SVEP1: variants seen among roughly 807,000 people sequenced by gnomAD.
The protein encoded by SVEP1 is sushi, von Willebrand factor type A, EGF and pentraxin domain containing 1.
SVEP1 carries 164 observed loss-of-function variants against 367.3 expected under a neutral mutation model. That is an observed-to-expected ratio of 0.45 (90% CI 0.39 to 0.51). The LOEUF (loss-of-function observed/expected upper bound fraction) is 0.51. SVEP1 is among the 20% of genes least tolerant of loss of function. The pLI, the probability that SVEP1 is intolerant of heterozygous loss-of-function variation, is 0.00. For synonymous variants in SVEP1, 1,666 were observed against 1,611.6 expected, an observed-to-expected ratio of 1.03 and a Z score of -0.81; for missense variants, 4,117 against 4,425.3, an observed-to-expected ratio of 0.93 and a Z score of 1.98.
At chr9:110,431,253 T>G (rs962170673) in intron 32 of SVEP1, among the ~76,000 whole-genome samples, 1 of 152,186 alleles carries the variant, frequency 6.6e-6, no homozygotes, top group African/African-American at 2.4e-5. Flanking sequence ...AAGTGAATTA[T>G]AAAACAGGAA....
chr9:110,438,690 A>G (rs1436477325), intron 27 of SVEP1, among the ~76,000 whole-genome samples: 1 of 152,086 alleles, frequency 6.6e-6, no homozygotes, highest in Non-Finnish European at 1.5e-5. Context: ...CATTAGATTG[A>G]TTTCTGGTAG....
intron 3 of SVEP1, among the ~76,000 whole-genome samples, chr9:110,536,280 C>A (rs565519517): frequency 1.3e-5 from 2 of 152,046 alleles, no homozygotes; most frequent in African/African-American, 2.4e-5. Context: ...GTTGAACCAA[C>A]CTTGCATCCC....
At chr9:110,444,707 C>A (rs1828563273) in intron 26 of SVEP1, among the ~76,000 whole-genome samples, 1 of 152,130 alleles carries the variant, frequency 6.6e-6, no homozygotes, top group African/African-American at 2.4e-5. Flanking sequence ...AATTCATTGA[C>A]CACTTCTCCC....
chr9:110,497,190 C>A (rs1829463917), intron 7 of SVEP1, among the ~76,000 whole-genome samples: 1 of 152,200 alleles, frequency 6.6e-6, no homozygotes, highest in Non-Finnish European at 1.5e-5. Context: ...TCACTCTCCA[C>A]ATTGAGTTAC....
chr9:110,488,316 C>A (rs1045935668), intron 9 of SVEP1, among the ~76,000 whole-genome samples: 1 of 152,026 alleles, frequency 6.6e-6, no homozygotes. Flanking sequence ...AAAAGAGATT[C>A]GAACTGGAAA....
chr9:110,428,429 C>CACACACACACACACACACACA (rs60798857), intron 35 of SVEP1, among the ~76,000 whole-genome samples: 2 of 151,108 alleles, frequency 1.3e-5, no homozygotes, highest in Non-Finnish European at 3.0e-5. Flanking sequence ...CACACACACA[C>CACACACACACACACACACACA]CATTAATCTC....
chr9:110,527,932 C>T (rs531358994), intron 3 of SVEP1, among the ~76,000 whole-genome samples: 16 of 151,620 alleles, frequency 1.1e-4, no homozygotes, highest in Admixed American at 2.6e-4. Context: ...GCTTAGCTCC[C>T]GCTTATAAGT....
At chr9:110,390,243 A>G (rs1827622699) in intron 40 of SVEP1, among the ~76,000 whole-genome samples, 2 of 125,146 alleles carry the variant, frequency 1.6e-5, no homozygotes. Flanking sequence ...AAGTATGTGT[A>G]TATATACTTA....
Position 110,550,172 on chromosome 9 carries a change from C to T in SVEP1, c.532-68G>A, listed in dbSNP as rs115401524. 1.2e-3 allele frequency: 1,906 copies of T among 1,578,596 alleles called. 14 individuals carry two copies. The African/African-American group carries it at 0.02, about 16-fold the overall frequency. On this transcript the variant is annotated intron_variant, in intron 1 of 47. Coordinates refer to ENST00000374469, the MANE Select transcript of SVEP1 (RefSeq NM_153366.4). ...TGCCTACTGTGTGCTTCTCTTCTTACGTAAGGCAGTACTTGCAAAGATCAT... is the reference window on the plus strand; with the variant it reads ...TGCCTACTGTGTGCTTCTCTTCTTATGTAAGGCAGTACTTGCAAAGATCAT...
intron 39 of SVEP1, among the ~76,000 whole-genome samples, chr9:110,402,792 T>C (rs1375915864): frequency 2.6e-5 from 4 of 152,114 alleles, no homozygotes; most frequent in African/African-American, 9.7e-5. Flanking sequence ...AAAGGGACCA[T>C]CTGGAACCAT....
chr9:110,488,871 C>T (rs755307141), intron 9 of SVEP1, among the ~76,000 whole-genome samples: 9 of 152,004 alleles, frequency 5.9e-5, no homozygotes, highest in Non-Finnish European at 1.3e-4. Flanking sequence ...GAGTGAGACC[C>T]TGTCTCTGAA....
rs1054582940 is a variant in SVEP1 at position 110,366,476 on chromosome 9, T to C, written c.*63A>G. 1 of 1,456,998 alleles carries C rather than the reference T, an allele frequency of 6.9e-7. No homozygotes were observed. Among genetic ancestry groups the C allele is most frequent in the East Asian group, 2.4e-5 (1 of 40,988 alleles). The allele number at this position is 1,456,998 out of a possible 1,614,324, so 90.3% of individuals were successfully genotyped here. ...GACTTTCTTTGCATAAGTTCCAGGA[T>C]GCCCAGGCACTACCGAGGAGAGATG... On this transcript the variant is annotated 3_prime_UTR_variant, in exon 48 of 48. Transcript: ENST00000374469.
intron 3 of SVEP1, among the ~76,000 whole-genome samples, chr9:110,525,330 T>C (rs993865436): frequency 1.3e-5 from 2 of 152,186 alleles, no homozygotes; most frequent in African/African-American, 4.8e-5. Flanking sequence ...ATGTGGACAA[T>C]GAAATTAAAA....
intron 8 of SVEP1, among the ~76,000 whole-genome samples, chr9:110,494,673 T>C (rs1829419025): frequency 1.3e-5 from 2 of 152,360 alleles, no homozygotes; most frequent in South Asian, 4.1e-4. Context: ...AGGATGTTCA[T>C]GACAGCATCG....
At chr9:110,369,494 T>C (rs547221422) in intron 47 of SVEP1, 2 of 152,896 alleles carry the variant, frequency 1.3e-5, no homozygotes, top group Admixed American at 6.5e-5. Flanking sequence ...TAAAATTACA[T>C]TGAGTTTATT....
In SVEP1 at chr9:110,377,299, C is replaced by T; in HGVS notation, c.10476G>A (p.Glu3492=). 6.2e-7 allele frequency: 1 copy of T among 1,613,772 alleles called. No individual in the cohort carries two copies. Residue 3492 remains glutamate (E), a synonymous_variant, in exon 45 of 48, where the codon GAG becomes GAA. Transcript: ENST00000374469. The part of the protein sequence containing the change: ...CQRPNACSCP[E]GWMGRLCEEP... ...CTTCACAGAGGCGCCCCATCCAGCC[C>T]TCTGGACAGGAACAAGCATTTGGGC...
chr9:110,432,545 T>A lies in SVEP1; in HGVS notation c.5150A>T (p.Asn1717Ile), dbSNP rs1588050508. 6.2e-7 allele frequency: 1 copy of A among 1,613,942 alleles called. No individual in the cohort carries two copies. The highest frequency in any genetic ancestry group is 8.5e-7 in the Non-Finnish European group (1 of 1,179,824). The change falls in exon 31 of 48, where the codon AAC becomes ATC. Residue 1717 changes from asparagine to isoleucine, a missense_variant. Transcript: ENST00000374469. The part of the protein sequence containing the change: ...YAGSTVTYQC[N>I]NGYYLLGDSR... ...GTCACCCAATAGATAGTAGCCATTG[T>A]TGCACTGGTAGGTTACTGTGCTGCC...
chr9:110,397,010 T>C (rs796607112), intron 40 of SVEP1, among the ~76,000 whole-genome samples: 2 of 135,920 alleles, frequency 1.5e-5, no homozygotes, highest in African/African-American at 5.4e-5. Context: ...AGCATCATCC[T>C]GATACCAAAG....
chr9:110,367,029 A>G (rs1827211990), intron 47 of SVEP1, among the ~76,000 whole-genome samples: 1 of 152,260 alleles, frequency 6.6e-6, no homozygotes, highest in South Asian at 2.1e-4. Context: ...TCAGTAGAGA[A>G]GGTAAACATT....
Sources: gnomAD v4.1 joint callset for allele counts (sites outside exome capture counted in the v4.1 genomes callset) on GRCh38, gnomAD v4.1.1 for gene constraint, MANE v1.5 for transcripts, NCBI Gene and HGNC (gene_info 2026-07-23, HGNC 2026-07-21) for gene names.